The following TCF20 variants were observed in gnomAD, a reference collection of about 807,000 sequenced individuals.
TCF20 encodes transcription factor 20, also known as SPRE-binding protein.
A neutral mutation model predicts 148.6 loss-of-function variants in TCF20; 3 were observed. That is an observed-to-expected ratio of 0.02 (90% confidence interval 0.01 to 0.05). The LOEUF (loss-of-function observed/expected upper bound fraction) is 0.05. Ranked by LOEUF, TCF20 falls within the 10% of genes least tolerant of loss-of-function variation. TCF20 has a pLI of 1.00. For synonymous variants in TCF20, 1,049 were observed against 909.5 expected (o/e 1.15, Z -2.76); for missense variants, 2,350 against 2,429.3 (o/e 0.97, Z 0.69).
At chr22:42,255,869 G>A (rs974994207) in intron 1 of TCF20, among the ~76,000 whole-genome samples, 1 of 152,086 alleles carries the variant, frequency 6.6e-6, no homozygotes, top group African/African-American at 2.4e-5. Context: ...CCCAGCCCCA[G>A]GTTCAAAGCT....
chr22:42,179,037 TAAAAA>T (rs60142024), intron 3 of TCF20, among the ~76,000 whole-genome samples: 1 of 120,964 alleles, frequency 8.3e-6, no homozygotes. Context: ...TGGCTACAAT[TAAAAA>T]AAAAAAAAAA....
chr22:42,283,607 CAGCCGCCACTCG>C (rs1926960651), intron 1 of TCF20, among the ~76,000 whole-genome samples: 1 of 151,964 alleles, frequency 6.6e-6, no homozygotes. Flanking sequence ...TTCAAAGCTA[CAGCCGCCACTCG>C]AGCAGCTGCG....
chr22:42,201,778 C>A (rs1938043535), intron 2 of TCF20, among the ~76,000 whole-genome samples: 1 of 151,498 alleles, frequency 6.6e-6, no homozygotes, highest in East Asian at 1.9e-4. Flanking sequence ...AAAAAAAAAA[C>A]AAAACCAAAC....
At chr22:42,301,135 GGGA>G (rs1927329042) in intron 1 of TCF20, among the ~76,000 whole-genome samples, 1 of 151,962 alleles carries the variant, frequency 6.6e-6, no homozygotes, top group Non-Finnish European at 1.5e-5. Flanking sequence ...AGGCAAGGCT[GGGA>G]GGAGGTGGAT....
At chr22:42,233,062 A>G (rs1478549632) in intron 1 of TCF20, among the ~76,000 whole-genome samples, 1 of 152,054 alleles carries the variant, frequency 6.6e-6, no homozygotes, top group Non-Finnish European at 1.5e-5. Context: ...CTGAGATTAC[A>G]GGCTTGTGCC....
chr22:42,284,838 T>C (rs1033019542), upstream of TCF20, among the ~76,000 whole-genome samples: 12 of 152,158 alleles, frequency 7.9e-5, no homozygotes, highest in Non-Finnish European at 1.6e-4. Context: ...TCCTACCCCA[T>C]GGCAATGCCT....
Position 42,270,326 on chromosome 22 carries a change from G to C in TCF20, c.-37+13C>G, listed in dbSNP as rs1296249308. 1.3e-5 allele frequency among the ~76,000 whole-genome samples: 2 copies of C among 151,946 alleles called. No individual in the cohort carries two copies. Among genetic ancestry groups the C allele is most frequent in the South Asian group, 4.1e-4 (2 of 4,828 alleles). ...AACCCTCTCCCTGCCCCTCAGGCCCGGGAGGCGGTTACCTGCAGGAGCCCC... is the reference window on the plus strand; with the variant it reads ...AACCCTCTCCCTGCCCCTCAGGCCCCGGAGGCGGTTACCTGCAGGAGCCCC... On this transcript the variant is annotated intron_variant, in intron 1 of 5. Coordinates refer to ENST00000677622, the MANE Select transcript of TCF20 (RefSeq NM_001378418.1).
chr22:42,229,835 C>T (rs1923239806), intron 1 of TCF20, among the ~76,000 whole-genome samples: 1 of 152,192 alleles, frequency 6.6e-6, no homozygotes, highest in Admixed American at 6.5e-5. Context: ...TGTCCATACA[C>T]CATTACCTGG....
At chr22:42,316,226 G>T (rs1176547786) in intron 1 of TCF20, among the ~76,000 whole-genome samples, 1 of 152,032 alleles carries the variant, frequency 6.6e-6, no homozygotes, top group Non-Finnish European at 1.5e-5. Context: ...GACCCAGGCA[G>T]GTTTGCAGGC....
intron 1 of TCF20, among the ~76,000 whole-genome samples, chr22:42,229,788 G>C (rs1923236029): frequency 6.6e-6 from 1 of 152,176 alleles, no homozygotes; most frequent in South Asian, 2.1e-4. Flanking sequence ...GGCTCAGCTT[G>C]GTGATCTTGC....
At chr22:42,329,630 T>A (rs891824426) in intron 1 of TCF20, among the ~76,000 whole-genome samples, 2 of 152,080 alleles carry the variant, frequency 1.3e-5, no homozygotes, top group Non-Finnish European at 2.9e-5. Flanking sequence ...AGTAGACACA[T>A]GCTGGATCGC....
At chr22:42,198,345 A>G (rs1937723993) in intron 2 of TCF20, among the ~76,000 whole-genome samples, 1 of 152,222 alleles carries the variant, frequency 6.6e-6, no homozygotes, top group African/African-American at 2.4e-5. Context: ...TAAATGTGGT[A>G]ATTCACGTAT....
At chr22:42,263,647 G>C (rs1926137783) in intron 1 of TCF20, among the ~76,000 whole-genome samples, 1 of 152,170 alleles carries the variant, frequency 6.6e-6, no homozygotes, top group Non-Finnish European at 1.5e-5. Context: ...TAGGATGAGA[G>C]AAACCAATGG....
chr22:42,330,620 GAATA>G lies in TCF20; in HGVS notation c.-37+12855_-37+12858del, dbSNP rs920196769. The stretch of plus-strand genomic sequence containing the variant: ...TGTGTGTTCTTACTATTTATTAAAT[GAATA>G]AATAAATGAGTGGATGAGTGAGACA... On this transcript the variant is annotated intron_variant, in intron 1 of 1. Transcript: ENST00000515426. Among the ~76,000 whole-genome samples the G allele has an allele frequency of 5.3e-5, 8 of 152,174 alleles. 1 individual carries two copies. The highest frequency in any genetic ancestry group is 1.9e-4 in the African/African-American group (8 of 41,426).
At chr22:42,191,621 C>T (rs1278620597) in intron 2 of TCF20, among the ~76,000 whole-genome samples, 1 of 152,140 alleles carries the variant, frequency 6.6e-6, no homozygotes, top group African/African-American at 2.4e-5. Flanking sequence ...TATATATACT[C>T]CATTAAAATA....
At chr22:42,327,533 T>C (rs983818345) in intron 1 of TCF20, among the ~76,000 whole-genome samples, 1 of 152,098 alleles carries the variant, frequency 6.6e-6, no homozygotes, top group African/African-American at 2.4e-5. Context: ...GTGCGGAAGC[T>C]TCGGGCCAGG....
intron 1 of TCF20, among the ~76,000 whole-genome samples, chr22:42,245,052 C>T (rs1235306199): frequency 6.6e-6 from 1 of 152,002 alleles, no homozygotes; most frequent in Non-Finnish European, 1.5e-5. Flanking sequence ...CACTGCACTC[C>T]AGCCTGGGCA....
intron 1 of TCF20, among the ~76,000 whole-genome samples, chr22:42,300,067 CT>C (rs1927308663): frequency 6.6e-6 from 1 of 152,144 alleles, no homozygotes; most frequent in African/African-American, 2.4e-5. Flanking sequence ...TCCTTCGTTC[CT>C]TCGCTGGTAG....
chr22:42,287,865 CA>C (rs1346025120), upstream of TCF20, among the ~76,000 whole-genome samples: 1 of 142,884 alleles, frequency 7.0e-6, no homozygotes, highest in Admixed American at 7.0e-5. Context: ...CCTCACTAGC[CA>C]AAAAAAAAGA....
Sources: gnomAD v4.1 joint callset for allele counts (sites outside exome capture counted in the v4.1 genomes callset) on GRCh38, gnomAD v4.1.1 for gene constraint, MANE v1.5 for transcripts, NCBI Gene and HGNC (gene_info 2026-07-23, HGNC 2026-07-21) for gene names.